KIZ: variants seen among roughly 807,000 people sequenced by gnomAD.
KIZ encodes the protein centrosomal protein kizuna.
A neutral mutation model predicts 79.6 loss-of-function variants in KIZ; 68 were observed. The ratio of observed to expected loss-of-function variants is 0.85; its 90% CI spans 0.70 to 1.05. The LOEUF (loss-of-function observed/expected upper bound fraction) is 1.05. Among genes scored for constraint, KIZ ranks in the 50% least tolerant of loss-of-function variants. KIZ has a pLI of 0.00. For missense variants in KIZ, 797 were observed against 800.4 expected, an observed-to-expected ratio of 1.00 and a Z score of 0.05; for synonymous variants, 280 against 281.8, an observed-to-expected ratio of 0.99 and a Z score of 0.06.
intron 10 of KIZ, among the ~76,000 whole-genome samples, chr20:21,229,518 T>C: frequency 6.6e-6 from 1 of 152,264 alleles, no homozygotes; most frequent in South Asian, 2.1e-4. Flanking sequence ...GTTCTTTTAC[T>C]GAAAGGATTA....
chr20:21,244,829 G>T (rs569659824), intron 12 of KIZ: 1 of 153,868 alleles, frequency 6.5e-6, no homozygotes, highest in East Asian at 1.9e-4. Context: ...ATTCCTGGGA[G>T]GCCCCAGCCC....
At chr20:21,148,896 T>C (rs2032978912) in intron 4 of KIZ, 1 of 152,232 alleles carries the variant, frequency 6.6e-6, no homozygotes, top group Non-Finnish European at 1.5e-5. Context: ...TCACTTCCAC[T>C]GTGGTAACCC....
intron 6 of KIZ, among the ~76,000 whole-genome samples, chr20:21,179,649 G>A (rs957641775): frequency 8.6e-5 from 13 of 151,874 alleles, no homozygotes; most frequent in African/African-American, 2.4e-4. Flanking sequence ...TACTTAAGGT[G>A]TGAAGTTAGG....
chr20:21,181,543 C>G (rs576498857), intron 6 of KIZ, among the ~76,000 whole-genome samples: 15 of 152,078 alleles, frequency 9.9e-5, no homozygotes, highest in African/African-American at 3.6e-4. Context: ...ACTGCAACCT[C>G]CACCTCCCAG....
chr20:21,240,193 C>T (rs923044278), intron 11 of KIZ, among the ~76,000 whole-genome samples: 1 of 152,056 alleles, frequency 6.6e-6, no homozygotes, highest in Non-Finnish European at 1.5e-5. Flanking sequence ...GGTGCAATGT[C>T]AGCTCACTGT....
At chr20:21,197,841 G>A (rs962807211) in intron 6 of KIZ, 1 of 151,888 alleles carries the variant, frequency 6.6e-6, no homozygotes, top group African/African-American at 2.4e-5. Context: ...TTATTTTATA[G>A]GCTCTGTAAT....
intron 6 of KIZ, among the ~76,000 whole-genome samples, chr20:21,191,049 A>G (rs1195617087): frequency 6.6e-6 from 1 of 152,192 alleles, no homozygotes; most frequent in African/African-American, 2.4e-5. Context: ...CATTAAATGG[A>G]TGAAAATTGA....
At chr20:21,157,260 G>A (rs979246869) in intron 4 of KIZ, among the ~76,000 whole-genome samples, 3 of 152,008 alleles carry the variant, frequency 2.0e-5, no homozygotes, top group South Asian at 2.1e-4. Flanking sequence ...ATGATGCATC[G>A]TCCACAGACT....
At chr20:21,135,753 C>T (rs1433893543) in intron 2 of KIZ, among the ~76,000 whole-genome samples, 1 of 151,994 alleles carries the variant, frequency 6.6e-6, no homozygotes, top group Non-Finnish European at 1.5e-5. Flanking sequence ...TTTTTATGTA[C>T]AGAAAAATTG....
rs754725299 is a variant in KIZ, at chr20:21,214,613, A to C, written c.1525A>C (p.Ser509Arg). The C allele has an allele frequency of 6.2e-7, 1 of 1,612,774 alleles. No individual in the cohort carries two copies. The highest frequency in any genetic ancestry group is 1.7e-5 in the Admixed American group (1 of 60,010). ...SAIHSSESSC[S>R]LPSILNDNSG... is the part of the protein sequence containing the mutation. ...TATTCACAGTAGTGAATCATCTTGC[A>C]GCTTGCCATCTATTCTGAATGACAA... Residue 509 changes from serine to arginine, a missense_variant, in exon 8 of 13, where the codon AGC becomes CGC. Physicochemically the swap from Ser to Arg is moderately radical, Grantham distance 110. Coordinates refer to ENST00000619189, the MANE Select transcript of KIZ (RefSeq NM_018474.6).
rs2036214652 is a variant in KIZ, at chr20:21,214,651, G to A, written c.1563G>A (p.Lys521=). The A allele has an allele frequency of 6.2e-7, 1 of 1,612,986 alleles. No individual in the cohort carries two copies. Among genetic ancestry groups the A allele is most frequent in the African/African-American group, 1.3e-5 (1 of 75,014 alleles). The part of the protein sequence containing the change: ...PSILNDNSGI[K]EAKPAVWLNS... Reference sequence around the variant, plus strand: ...TTCTGAATGACAATAGTGGAATAAAGGAAGCCAAACCTGCTGTATGGCTCA... The same window carrying A: ...TTCTGAATGACAATAGTGGAATAAAAGAAGCCAAACCTGCTGTATGGCTCA... Residue 521 remains lysine, a synonymous_variant, in exon 8 of 13, where the codon AAG becomes AAA. Coordinates refer to ENST00000619189, the MANE Select transcript of KIZ (RefSeq NM_018474.6).
At chr20:21,220,820 A>T (rs1160633912) in intron 9 of KIZ, among the ~76,000 whole-genome samples, 1 of 152,218 alleles carries the variant, frequency 6.6e-6, no homozygotes, top group Non-Finnish European at 1.5e-5. Context: ...CAACTGCATC[A>T]GGATGTCCGG....
intron 12 of KIZ, 137 bp downstream of exon 12, chr20:21,244,425 T>TG (rs1250614364): frequency 1.5e-6 from 1 of 674,946 alleles, no homozygotes; most frequent in Non-Finnish European, 2.7e-6. Flanking sequence ...CAGCTGTCCC[T>TG]GGGGTGGAAC....
At chr20:21,131,622 A>C (rs1179650508) in intron 1 of KIZ, among the ~76,000 whole-genome samples, 5 of 152,086 alleles carry the variant, frequency 3.3e-5, no homozygotes, top group Admixed American at 6.6e-5. Flanking sequence ...TTATATACTT[A>C]TCTTGTTTAT....
intron 4 of KIZ, chr20:21,158,397 G>C (rs747225847): frequency 5.3e-5 from 8 of 152,140 alleles, no homozygotes; most frequent in Non-Finnish European, 8.8e-5. Context: ...GTATCCTACT[G>C]ATAAACTTGC....
At chr20:21,214,774 T>A (rs1273861418) in intron 8 of KIZ, 74 bp downstream of exon 8, 8 of 937,700 alleles carry the variant, frequency 8.5e-6, no homozygotes, top group Admixed American at 1.9e-5. Context: ...AAGGTACACC[T>A]ATAGAATATC....
At position 21,145,507 on chromosome 20, in the gene KIZ, C is replaced by G. The variant is rs1372818763; in HGVS notation, c.316-58C>G. 5.1e-6 allele frequency: 4 copies of G among 785,482 alleles called. No individual in the cohort carries two copies. The African/African-American group carries it at 5.4e-5, about 11-fold the overall frequency. The allele number at this position is 785,482 out of a possible 1,614,324, so 48.7% of individuals were successfully genotyped here. On this transcript the variant is annotated intron_variant, in intron 3 of 12. Coordinates refer to ENST00000619189, the MANE Select transcript of KIZ (RefSeq NM_018474.6). ...TGTATGTTGTAAAGACCGCAGTATA[C>G]AGACAGGTGCTAGTTGTAAAAATAT... is the stretch of plus-strand genomic sequence containing the variant.
intron 3 of KIZ, among the ~76,000 whole-genome samples, chr20:21,141,021 T>C: frequency 6.6e-6 from 1 of 151,794 alleles, no homozygotes; most frequent in East Asian, 1.9e-4. Flanking sequence ...AAAAAATTAA[T>C]AATAATAAAG....
chr20:21,237,980 C>G (rs1394155002), intron 11 of KIZ, among the ~76,000 whole-genome samples: 1 of 152,218 alleles, frequency 6.6e-6, no homozygotes, highest in Non-Finnish European at 1.5e-5. Flanking sequence ...CAGGCACATG[C>G]CACCATGCCT....
Sources: allele counts gnomAD v4.1 joint callset (sites outside exome capture counted in the v4.1 genomes callset), GRCh38; gene constraint gnomAD v4.1.1; transcripts MANE v1.5; gene names NCBI Gene and HGNC (gene_info 2026-07-23, HGNC 2026-07-21).